Variants in BCL11B observed in about 807,000 individuals in gnomAD.
BCL11B encodes BCL11 transcription factor B.
In BCL11B, 8 loss-of-function variants were observed where a neutral mutation model predicts 49.9. The ratio of observed to expected loss-of-function variants is 0.16; its 90% confidence interval spans 0.09 to 0.29. The LOEUF is 0.29. BCL11B is among the 10% of genes least tolerant of loss of function. The pLI, the probability that BCL11B is intolerant of heterozygous loss-of-function variation, is 1.00. For synonymous variants in BCL11B, 739 were observed against 637.4 expected, an observed-to-expected ratio of 1.16 and a Z score of -2.40; for missense variants, 1,006 against 1,351.0, an observed-to-expected ratio of 0.74 and a Z score of 4.00.
intron 3 of BCL11B, among the ~76,000 whole-genome samples, chr14:99,186,500 A>G (rs1196873316): frequency 6.6e-6 from 1 of 152,186 alleles, no homozygotes; most frequent in Non-Finnish European, 1.5e-5. Flanking sequence ...AGCCTGGGTG[A>G]TGGAACAAGA....
chr14:99,261,048 G>A (rs548856539), intron 1 of BCL11B, among the ~76,000 whole-genome samples: 5 of 152,290 alleles, frequency 3.3e-5, no homozygotes, highest in Admixed American at 2.0e-4. Flanking sequence ...GTGTTCACCC[G>A]ATTCCAAAGA....
intron 3 of BCL11B, among the ~76,000 whole-genome samples, chr14:99,215,444 C>A (rs549059030): frequency 6.6e-6 from 1 of 152,318 alleles, no homozygotes; most frequent in South Asian, 2.1e-4. Context: ...TGTGTGCCGG[C>A]AGAGAATCGG....
intron 1 of BCL11B, among the ~76,000 whole-genome samples, chr14:99,261,076 C>T (rs527412875): frequency 3.3e-4 from 51 of 152,352 alleles, no homozygotes; most frequent in African/African-American, 9.6e-4. Context: ...TTCCTCTCCC[C>T]ACCACCCAGG....
In BCL11B at chr14:99,218,232, ATTT is replaced by A. The variant is rs34932370; in HGVS notation, c.640+13110_640+13112del. 4.7e-3 allele frequency among the ~76,000 whole-genome samples: 532 copies of A among 112,874 alleles called. 1 individual carries two copies. The highest frequency in any genetic ancestry group is 7.7e-3 in the Non-Finnish European group (433 of 56,310). 74.0% of individuals were successfully genotyped at this position (112,874 alleles called of 152,430 possible). A position where few individuals can be genotyped will look rare whatever the true frequency, so the allele number is the denominator to read the frequency against. ...AGGCACCCGCCACCATGCCTGGCTA[ATTT>A]TTTTTTTTTTTTTTTTTTGTATTTT... On this transcript the variant is annotated intron_variant, in intron 3 of 3. Coordinates refer to ENST00000357195, the MANE Select transcript of BCL11B (RefSeq NM_138576.4).
intron 2 of BCL11B, among the ~76,000 whole-genome samples, chr14:99,254,661 A>G (rs967812862): frequency 1.2e-4 from 18 of 152,188 alleles, no homozygotes; most frequent in African/African-American, 4.1e-4. Flanking sequence ...TGGGGACAAT[A>G]GCAGGTCATG....
In BCL11B at chr14:99,257,258, C is replaced by A. The variant is rs1311866804; in HGVS notation, c.427+213G>T. ...GAGTCCCCTCACCAAAAGCAAGCAG[C>A]CATCAGCCATTTGGGCCTCCCCGAG... On this transcript the variant is annotated intron_variant, in intron 2 of 3. Coordinates refer to ENST00000357195, the MANE Select transcript of BCL11B (RefSeq NM_138576.4). The surrounding 1 kb of genome is among the most constrained non-coding windows in gnomAD (Gnocchi z 6.2). Among the ~76,000 whole-genome samples the A allele has an allele frequency of 1.3e-5, 2 of 152,112 alleles. No individual in the cohort carries two copies. The highest frequency in any genetic ancestry group is 2.9e-5 in the Non-Finnish European group (2 of 68,032).
rs778489263 is a variant in BCL11B, at chr14:99,174,730, G to A, written c.2106C>T (p.Ile702=). Reference sequence around the variant, plus strand: ...ACTGCGAGTACACGTTCTCGGACGGGATGAGCGCGGCGGGCGGCAGCTCCA... The same window carrying A: ...ACTGCGAGTACACGTTCTCGGACGGAATGAGCGCGGCGGGCGGCAGCTCCA... ...KDLELPPAAL[I]PSENVYSQWL... is the part of the protein sequence containing the mutation. Residue 702 remains isoleucine, a synonymous_variant, in exon 4 of 4, where the codon ATC becomes ATT. Coordinates refer to ENST00000357195, the MANE Select transcript of BCL11B (RefSeq NM_138576.4). 3 of 1,545,020 alleles carry A rather than the reference G, an allele frequency of 1.9e-6. No individual in the cohort carries two copies. Among genetic ancestry groups the A allele is most frequent in the South Asian group, 1.2e-5 (1 of 84,546 alleles).
In BCL11B at chr14:99,271,288, AGCCGCCGCCGCGCCGCTGCCGCCGCTGCC is replaced by A. The variant is rs1889673516; in HGVS notation, c.-99_-71del. 13 of 1,095,242 alleles carry A rather than the reference AGCCGCCGCCGCGCCGCTGCCGCCGCTGCC, an allele frequency of 1.2e-5. 1 individual carries two copies. The South Asian group carries it at 3.2e-4, about 27-fold the overall frequency. The allele number at this position is 1,095,242 out of a possible 1,614,324, so 67.8% of individuals were successfully genotyped here. A position where few individuals can be genotyped will look rare whatever the true frequency, so the allele number is the denominator to read the frequency against. ...GGGGGGAGCCGGGGGAGGGGGTCCG[AGCCGCCGCCGCGCCGCTGCCGCCGCTGCC>A]GCCGCCGCCGCCGCCGCCGCACCTC... On this transcript the variant is annotated 5_prime_UTR_variant, in exon 1 of 4. Transcript: ENST00000357195.
intron 1 of BCL11B, among the ~76,000 whole-genome samples, chr14:99,261,383 C>T (rs1414075307): frequency 6.6e-6 from 1 of 152,170 alleles, no homozygotes; most frequent in Non-Finnish European, 1.5e-5. Context: ...GAAAGCCAAG[C>T]CCTGGGAAGG....
At chr14:99,236,402 C>G (rs939638869) in intron 2 of BCL11B, among the ~76,000 whole-genome samples, 21 of 152,124 alleles carry the variant, frequency 1.4e-4, no homozygotes, top group African/African-American at 3.9e-4. Context: ...TATCCTGATC[C>G]TAGCTCATCT....
Position 99,232,108 on chromosome 14 carries a change from C to A in BCL11B, c.428-551G>T, listed in dbSNP as rs1008184891. 2.0e-5 allele frequency among the ~76,000 whole-genome samples: 3 copies of A among 152,132 alleles called. No individual in the cohort carries two copies. Among genetic ancestry groups the A allele is most frequent in the African/African-American group, 4.8e-5 (2 of 41,420 alleles). On this transcript the variant is annotated intron_variant, in intron 2 of 3. Transcript: ENST00000357195. The surrounding 1 kb of genome is among the most constrained non-coding windows in gnomAD (Gnocchi z 5.1). ...GTTAGCCTCCTGTCTGGCAGACCAC[C>A]AGCTGGGGGCTCTCTCCAGCCCCAA...
Position 99,174,316 on chromosome 14 carries a change from C to T in BCL11B, c.2520G>A (p.Thr840=), listed in dbSNP as rs1445917463. Residue 840 remains threonine, a synonymous_variant, in exon 4 of 4, where the codon ACG becomes ACA. Transcript: ENST00000357195. The part of the protein sequence containing the change: ...NYACAQSSKL[T]RHMKTHGQIG... ...TCTGCCCGTGCGTCTTCATGTGGCGCGTGAGCTTGCTGCTCTGCGCGCACG... is the reference window on the plus strand; with the variant it reads ...TCTGCCCGTGCGTCTTCATGTGGCGTGTGAGCTTGCTGCTCTGCGCGCACG... 6.2e-7 allele frequency: 1 copy of T among 1,613,452 alleles called. No individual in the cohort carries two copies. Among genetic ancestry groups the T allele is most frequent in the Non-Finnish European group, 8.5e-7 (1 of 1,179,998 alleles).
chr14:99,217,564 G>A (rs1273745659), intron 3 of BCL11B, among the ~76,000 whole-genome samples: 1 of 152,216 alleles, frequency 6.6e-6, no homozygotes, highest in African/African-American at 2.4e-5. Flanking sequence ...ATTTCTTGCA[G>A]GTCCGCTCAG....
At position 99,178,839 on chromosome 14, in the gene BCL11B, A is replaced by T. The variant is rs547526259; in HGVS notation, c.641-2644T>A. Among the ~76,000 whole-genome samples, 3 of 152,314 alleles carry T rather than the reference A, an allele frequency of 2.0e-5. No homozygotes were observed. The East Asian group carries it at 5.8e-4, about 29-fold the overall frequency. The stretch of plus-strand genomic sequence containing the variant: ...TTCAGCCACTCTAATTAATCAATTC[A>T]CAGCTTTCCGTCGCTTTAGTTTCTC... On this transcript the variant is annotated intron_variant, in intron 3 of 3. Coordinates refer to ENST00000357195, the MANE Select transcript of BCL11B (RefSeq NM_138576.4).
At chr14:99,219,234 A>C (rs1027882352) in intron 3 of BCL11B, among the ~76,000 whole-genome samples, 1 of 151,856 alleles carries the variant, frequency 6.6e-6, no homozygotes, top group African/African-American at 2.4e-5. Flanking sequence ...GGGTTTCGCC[A>C]TGTTGCCCAG....
At chr14:99,180,426 C>T (rs776739514) in intron 3 of BCL11B, among the ~76,000 whole-genome samples, 9 of 152,288 alleles carry the variant, frequency 5.9e-5, no homozygotes, top group Admixed American at 2.0e-4. Flanking sequence ...TTCTTTGCTC[C>T]ACTGGCTCTA....
chr14:99,229,322 C>T (rs1055632177), intron 3 of BCL11B, among the ~76,000 whole-genome samples: 3 of 152,178 alleles, frequency 2.0e-5, no homozygotes, highest in Admixed American at 6.5e-5. Flanking sequence ...ACACAGTCCT[C>T]ATAAGGATCC....
intron 3 of BCL11B, among the ~76,000 whole-genome samples, chr14:99,177,193 T>A (rs1566795897): frequency 6.6e-6 from 1 of 152,056 alleles, no homozygotes; most frequent in Non-Finnish European, 1.5e-5. Context: ...CTGGCCTACA[T>A]GAGTCTTTCA....
Position 99,175,876 on chromosome 14 carries a change from C to T in BCL11B, c.960G>A (p.Pro320=), listed in dbSNP as rs769960869. 1.4e-6 allele frequency: 2 copies of T among 1,469,918 alleles called. No individual in the cohort carries two copies. The highest frequency in any genetic ancestry group is 2.9e-5 in the South Asian group (2 of 69,746). 91.1% of individuals were successfully genotyped at this position (1,469,918 alleles called of 1,614,324 possible). The change falls in exon 4 of 4, where the codon CCG becomes CCA. Residue 320 remains proline (P), a synonymous_variant. Coordinates refer to ENST00000357195, the MANE Select transcript of BCL11B (RefSeq NM_138576.4). ...LPGTPPLFSP[P]PRHHLDPHRL... is the part of the protein sequence containing the mutation. ...GGTGCGGGTCCAGGTGGTGGCGCGG[C>T]GGGGGACTGAAGAGAGGCGGCGTGC...
Sources: allele counts gnomAD v4.1 joint callset (sites outside exome capture counted in the v4.1 genomes callset), GRCh38; gene constraint gnomAD v4.1.1; non-coding constraint Gnocchi (gnomAD v3.1); transcripts MANE v1.5; gene names NCBI Gene and HGNC (gene_info 2026-07-23, HGNC 2026-07-21).